The following WWC1 variants were observed in gnomAD, a reference collection of about 807,000 sequenced individuals.
WWC1 encodes the protein protein KIBRA.
A neutral mutation model predicts 138.4 loss-of-function variants in WWC1; 55 were observed. The ratio of observed to expected loss-of-function variants is 0.40; its 90% confidence interval spans 0.32 to 0.50. WWC1 has a LOEUF of 0.50. WWC1 is among the 20% of genes least tolerant of loss of function. WWC1 has a pLI of 0.72. For missense variants in WWC1, 1,226 were observed against 1,420.4 expected (o/e 0.86, Z 2.20); for synonymous variants, 524 against 564.9 (o/e 0.93, Z 1.03).
intron 15 of WWC1, among the ~76,000 whole-genome samples, chr5:168,436,325 C>G (rs1036306604): frequency 6.6e-6 from 1 of 152,164 alleles, no homozygotes; most frequent in Non-Finnish European, 1.5e-5. Flanking sequence ...CTCGCTCTTC[C>G]AGTGTTCTCC....
rs563530932 is a variant in WWC1, at chr5:168,326,304, G to A, written c.119+34033G>A. On this transcript the variant is annotated intron_variant, in intron 1 of 22. Transcript: ENST00000265293. ...GTGATCTCGGCTCACCGCAACCTCC[G>A]CCTCCCAGGTTCAAGCGACTCTCCT... is the stretch of plus-strand genomic sequence containing the variant. Among the ~76,000 whole-genome samples, 364 of 141,016 alleles carry A rather than the reference G, an allele frequency of 2.6e-3. 2 individuals are homozygous for A. Among genetic ancestry groups the A allele is most frequent in the African/African-American group, 9.2e-3 (350 of 38,240 alleles). 92.5% of individuals were successfully genotyped at this position (141,016 alleles called of 152,430 possible). A position where few individuals can be genotyped will look rare whatever the true frequency, so the allele number is the denominator to read the frequency against.
chr5:168,461,556 C>T (rs566303953), intron 20 of WWC1, among the ~76,000 whole-genome samples: 17 of 152,168 alleles, frequency 1.1e-4, no homozygotes, highest in African/African-American at 2.7e-4. Context: ...ACTTGCCTTG[C>T]GGAAGTCTCG....
intron 17 of WWC1, among the ~76,000 whole-genome samples, chr5:168,445,524 A>AC (rs1177295634): frequency 3.3e-5 from 5 of 151,722 alleles, no homozygotes; most frequent in Non-Finnish European, 5.9e-5. Flanking sequence ...ACATGGTGAA[A>AC]CCCCATTTCT....
At chr5:168,410,423 T>G (rs951057773) in intron 8 of WWC1, among the ~76,000 whole-genome samples, 14 of 152,254 alleles carry the variant, frequency 9.2e-5, no homozygotes, top group African/African-American at 3.4e-4. Flanking sequence ...TTTTAAGCAG[T>G]GTAGACCTCT....
chr5:168,432,622 G>A (rs941161633), intron 15 of WWC1, among the ~76,000 whole-genome samples: 1 of 152,190 alleles, frequency 6.6e-6, no homozygotes, highest in African/African-American at 2.4e-5. Flanking sequence ...ATTATACCTA[G>A]AAGGTCGCTC....
chr5:168,343,546 G>A (rs940249150), intron 1 of WWC1, among the ~76,000 whole-genome samples: 4 of 152,142 alleles, frequency 2.6e-5, no homozygotes, highest in African/African-American at 4.8e-5. Flanking sequence ...AGTTGAGGCC[G>A]GGCGTGGTGG....
At position 168,471,165 on chromosome 5, in the gene WWC1, C is replaced by T. The variant is rs165950; in HGVS notation, c.*2148C>T. Reference sequence around the variant, plus strand: ...GGCTCTTCCCCCTCTCCCCAGCATACTCCTTACCTGGCTGTCTCTCCTCAT... The same window carrying T: ...GGCTCTTCCCCCTCTCCCCAGCATATTCCTTACCTGGCTGTCTCTCCTCAT... On this transcript the variant is annotated 3_prime_UTR_variant, in exon 23 of 23. Coordinates refer to ENST00000265293, the MANE Select transcript of WWC1 (RefSeq NM_015238.3). The T allele has an allele frequency of 0.011, 1,681 of 152,508 alleles. 33 individuals are homozygous for T. Among genetic ancestry groups the T allele is most frequent in the Non-Finnish European group, 0.013 (905 of 68,220 alleles). 9.4% of individuals were successfully genotyped at this position (152,508 alleles called of 1,614,324 possible).
At chr5:168,307,879 G>A (rs1254809163) in intron 1 of WWC1, among the ~76,000 whole-genome samples, 1 of 152,034 alleles carries the variant, frequency 6.6e-6, no homozygotes, top group East Asian at 1.9e-4. Context: ...CAAAGTGCTG[G>A]GATTACAGGT....
rs567356119 is a variant in WWC1 at position 168,332,868 on chromosome 5, C to G, written c.120-38556C>G. On this transcript the variant is annotated intron_variant, in intron 1 of 22. Transcript: ENST00000265293. ...GGACTGAAGGCATGAGCCACCACAC[C>G]AGGATAATTTTTGTATTTTTTGTAG... is the stretch of plus-strand genomic sequence containing the variant. Among the ~76,000 whole-genome samples, 5 of 152,230 alleles carry G rather than the reference C, an allele frequency of 3.3e-5. No individual in the cohort carries two copies. The South Asian group carries it at 1.0e-3, about 32-fold the overall frequency.
chr5:168,449,570 C>CTTTTTTT (rs10636051), intron 17 of WWC1, among the ~76,000 whole-genome samples: 2 of 90,734 alleles, frequency 2.2e-5, no homozygotes, highest in Non-Finnish European at 4.1e-5. Context: ...TTTAACAGCT[C>CTTTTTTT]TTTTTTTTTT....
At chr5:168,439,888 A>G (rs933547491) in intron 15 of WWC1, among the ~76,000 whole-genome samples, 2 of 152,206 alleles carry the variant, frequency 1.3e-5, no homozygotes, top group Admixed American at 6.5e-5. Context: ...AACCTCACCA[A>G]TGGCATTTGT....
At chr5:168,371,595 C>A in intron 2 of WWC1, 62 bp downstream of exon 2, 1 of 1,257,956 alleles carries the variant, frequency 7.9e-7, no homozygotes, top group Non-Finnish European at 1.1e-6. Flanking sequence ...CCAAGCCCAT[C>A]CTCCCTCCAA....
intron 1 of WWC1, among the ~76,000 whole-genome samples, chr5:168,315,570 T>C (rs1771513570): frequency 6.6e-6 from 1 of 152,038 alleles, no homozygotes; most frequent in Admixed American, 6.6e-5. Flanking sequence ...TGTTTTCTCC[T>C]AATATGAATC....
At chr5:168,369,461 G>A (rs1776570593) in intron 1 of WWC1, among the ~76,000 whole-genome samples, 1 of 152,136 alleles carries the variant, frequency 6.6e-6, no homozygotes, top group African/African-American at 2.4e-5. Context: ...GTAATGCAGT[G>A]GTGCCATCAC....
chr5:168,445,701 C>CAAAAAA (rs763044458), intron 17 of WWC1, among the ~76,000 whole-genome samples: 2 of 50,684 alleles, frequency 3.9e-5, no homozygotes, highest in African/African-American at 7.1e-5. Flanking sequence ...GACTCTGTCT[C>CAAAAAA]AAAAAAAAAA....
chr5:168,417,300 G>A (rs190151541), intron 9 of WWC1, among the ~76,000 whole-genome samples: 2 of 152,270 alleles, frequency 1.3e-5, no homozygotes, highest in South Asian at 2.1e-4. Flanking sequence ...TGGTCTGAAG[G>A]CAGGCAGTTA....
intron 13 of WWC1, 131 bp from the exon 14 acceptor site, chr5:168,430,006 C>A: frequency 1.5e-6 from 1 of 667,338 alleles, no homozygotes; most frequent in Non-Finnish European, 2.6e-6. Flanking sequence ...AAGCACTGGG[C>A]CTGTGCTCTA....
chr5:168,364,422 A>G (rs1368994474), intron 1 of WWC1, among the ~76,000 whole-genome samples: 5 of 152,054 alleles, frequency 3.3e-5, no homozygotes, highest in Admixed American at 3.3e-4. Flanking sequence ...ATATCCCTGC[A>G]TCCTCTAATT....
intron 9 of WWC1, 141 bp downstream of exon 9, chr5:168,414,731 G>T: frequency 8.1e-7 from 1 of 1,230,808 alleles, no homozygotes; most frequent in East Asian, 2.6e-5. Flanking sequence ...CTCTCAGGTT[G>T]CCGACATAGG....
Sources: allele counts gnomAD v4.1 joint callset (sites outside exome capture counted in the v4.1 genomes callset), GRCh38; gene constraint gnomAD v4.1.1; transcripts MANE v1.5; gene names NCBI Gene and HGNC (gene_info 2026-07-23, HGNC 2026-07-21).